The following SARNP variants were observed in gnomAD, a reference collection of about 807,000 sequenced individuals.
SARNP encodes SAP domain containing ribonucleoprotein.
SARNP carries 5 observed loss-of-function variants against 38.1 expected under a neutral mutation model. The observed-to-expected ratio is 0.13, with a 90% CI of 0.07 to 0.28. The LOEUF (loss-of-function observed/expected upper bound fraction) is 0.28, where lower values mean the gene tolerates loss of function less well. Ranked by LOEUF, SARNP falls within the 10% of genes least tolerant of loss-of-function variation. The probability of loss-of-function intolerance (pLI) is 1.00; values close to 1 mark genes in which losing one functional copy is unlikely to be tolerated. For synonymous variants in SARNP, 84 were observed against 80.6 expected, an observed-to-expected ratio of 1.04 and a Z score of -0.23; for missense variants, 180 against 243.9, an observed-to-expected ratio of 0.74 and a Z score of 1.75.
intron 7 of SARNP, chr12:55,793,925 T>G (rs1565679392): frequency 5.7e-6 from 1 of 174,754 alleles, no homozygotes; most frequent in Non-Finnish European, 1.2e-5. Flanking sequence ...TGATAATCCC[T>G]GAGGCTAAGT....
chr12:55,777,323 T>C (rs1484129825), intron 9 of SARNP, among the ~76,000 whole-genome samples: 1 of 152,138 alleles, frequency 6.6e-6, no homozygotes, highest in Admixed American at 6.5e-5. Context: ...AATGTTGACA[T>C]AGCATCAAAA....
chr12:55,812,458 G>A (rs1880355239), intron 1 of SARNP, among the ~76,000 whole-genome samples: 1 of 152,236 alleles, frequency 6.6e-6, no homozygotes, highest in African/African-American at 2.4e-5. Context: ...GGCACCCACA[G>A]TAACTGGGAC....
At chr12:55,772,297 TC>T (rs1340146716) in intron 9 of SARNP, among the ~76,000 whole-genome samples, 3 of 152,192 alleles carry the variant, frequency 2.0e-5, no homozygotes, top group Non-Finnish European at 4.4e-5. Flanking sequence ...GTATCAACTT[TC>T]TAGGGCTGGT....
chr12:55,763,121 G>A (rs923256998), intron 9 of SARNP, among the ~76,000 whole-genome samples: 3 of 151,994 alleles, frequency 2.0e-5, no homozygotes, highest in African/African-American at 4.8e-5. Flanking sequence ...AATCCATAGC[G>A]GGTACCTCAT....
At chr12:55,767,730 C>T (rs1433539008) in intron 9 of SARNP, among the ~76,000 whole-genome samples, 1 of 151,242 alleles carries the variant, frequency 6.6e-6, no homozygotes, top group Non-Finnish European at 1.5e-5. Context: ...GCCTGTAGTC[C>T]CAGCTACTCG....
At chr12:55,790,737 C>T (rs1383460290) in intron 7 of SARNP, 145 bp from the exon 8 acceptor site, 5 of 779,692 alleles carry the variant, frequency 6.4e-6, no homozygotes, top group East Asian at 3.3e-5. Context: ...ATCATGTCTG[C>T]ATTCACTGCT....
At chr12:55,787,415 T>C (rs1462359333) in intron 9 of SARNP, among the ~76,000 whole-genome samples, 1 of 152,122 alleles carries the variant, frequency 6.6e-6, no homozygotes, top group African/African-American at 2.4e-5. Context: ...AGCTAAACGC[T>C]TTCATGCTGA....
At chr12:55,790,661 A>G in intron 7 of SARNP, 69 bp from the exon 8 acceptor site, 2 of 1,360,412 alleles carry the variant, frequency 1.5e-6, no homozygotes, top group Non-Finnish European at 1.9e-6. Context: ...TTCAAGTCAA[A>G]TTAGGCAACA....
At chr12:55,812,978 A>G (rs1462617496) in intron 1 of SARNP, among the ~76,000 whole-genome samples, 1 of 151,566 alleles carries the variant, frequency 6.6e-6, no homozygotes, top group Non-Finnish European at 1.5e-5. Context: ...ACGGAGTCTC[A>G]CTCTGTTGCC....
In SARNP at chr12:55,812,195, T is replaced by C. The variant is rs114116398; in HGVS notation, c.36+5471A>G. Among the ~76,000 whole-genome samples, 837 of 152,328 alleles carry C rather than the reference T, an allele frequency of 5.5e-3. 7 individuals carry two copies. Among genetic ancestry groups the C allele is most frequent in the African/African-American group, 0.019 (802 of 41,574 alleles). Reference sequence around the variant, plus strand: ...TGCTATTCCTCTAACACTTTGCACATAGCTCATTCCTTCACGTCCTTCAAC... The same window carrying C: ...TGCTATTCCTCTAACACTTTGCACACAGCTCATTCCTTCACGTCCTTCAAC... On this transcript the variant is annotated intron_variant, in intron 1 of 10. Coordinates refer to ENST00000336133, the MANE Select transcript of SARNP (RefSeq NM_033082.4).
intron 10 of SARNP, among the ~76,000 whole-genome samples, chr12:55,758,906 T>C (rs1268968185): frequency 8.1e-6 from 1 of 123,562 alleles, no homozygotes; most frequent in African/African-American, 3.4e-5. Context: ...CCTAATATAC[T>C]TTTTTTTTTT....
chr12:55,794,957 T>TAAAA (rs373511418), intron 5 of SARNP, 77 bp from the exon 6 acceptor site: 34 of 145,424 alleles, frequency 2.3e-4, no homozygotes, highest in South Asian at 5.2e-4. Flanking sequence ...TAGGTATCTT[T>TAAAA]AAAAAAAAAA....
intron 9 of SARNP, among the ~76,000 whole-genome samples, chr12:55,786,335 A>G (rs1390125607): frequency 2.0e-5 from 3 of 152,218 alleles, no homozygotes; most frequent in African/African-American, 7.2e-5. Flanking sequence ...GGGTTCTCAC[A>G]TATCTAGCCC....
intron 9 of SARNP, among the ~76,000 whole-genome samples, chr12:55,768,408 G>A (rs1878909935): frequency 6.6e-6 from 1 of 151,496 alleles, no homozygotes; most frequent in Non-Finnish European, 1.5e-5. Context: ...GGGATTACAG[G>A]CATGAGCCAC....
At chr12:55,804,135 CTTA>C (rs1880066229) in intron 1 of SARNP, among the ~76,000 whole-genome samples, 1 of 152,176 alleles carries the variant, frequency 6.6e-6, no homozygotes, top group Admixed American at 6.5e-5. Flanking sequence ...CTCCTTACCA[CTTA>C]TTATCCCAGA....
intron 2 of SARNP, among the ~76,000 whole-genome samples, chr12:55,802,651 A>T (rs1476291942): frequency 6.6e-6 from 1 of 151,798 alleles, no homozygotes; most frequent in Non-Finnish European, 1.5e-5. Flanking sequence ...ATATTCCAAA[A>T]TCCGAAAAAA....
chr12:55,812,534 T>C (rs925235847), intron 1 of SARNP, among the ~76,000 whole-genome samples: 1 of 152,192 alleles, frequency 6.6e-6, no homozygotes, highest in Non-Finnish European at 1.5e-5. Context: ...AGCTCTTGAG[T>C]GAAAGACCCA....
chr12:55,803,843 T>C, intron 1 of SARNP, 115 bp from the exon 2 acceptor site: 4 of 645,980 alleles, frequency 6.2e-6, no homozygotes, highest in Non-Finnish European at 1.1e-5. Flanking sequence ...CCCAAATTAC[T>C]GCCCTTAATT....
At chr12:55,782,906 T>C (rs1879380584) in intron 9 of SARNP, among the ~76,000 whole-genome samples, 1 of 151,436 alleles carries the variant, frequency 6.6e-6, no homozygotes, top group South Asian at 2.1e-4. Context: ...AGTCCAGGAG[T>C]TCAAGACCAG....
Sources: gnomAD v4.1 joint callset for allele counts (sites outside exome capture counted in the v4.1 genomes callset) on GRCh38, gnomAD v4.1.1 for gene constraint, MANE v1.5 for transcripts, NCBI Gene and HGNC (gene_info 2026-07-23, HGNC 2026-07-21) for gene names.